Variants in QTMAN observed in about 807,000 individuals in gnomAD.
The protein encoded by QTMAN is queuosine-tRNA mannosyltransferase.
the QTMAN span, among the ~76,000 whole-genome samples, chr2:144,062,225 C>T: frequency 6.6e-6 from 1 of 152,204 alleles, no homozygotes; most frequent in African/African-American, 2.4e-5. Flanking sequence ...AAGCACTCAC[C>T]CCGCCTCCTG....
chr2:144,209,151 C>T, the QTMAN span, among the ~76,000 whole-genome samples: 4 of 152,310 alleles, frequency 2.6e-5, no homozygotes, highest in African/African-American at 9.6e-5. Context: ...GTAAGCCTAA[C>T]TCAGTAATCT....
chr2:144,124,596 A>G, the QTMAN span, among the ~76,000 whole-genome samples: 3 of 152,030 alleles, frequency 2.0e-5, no homozygotes, highest in Non-Finnish European at 4.4e-5. Flanking sequence ...CATCACTGGG[A>G]GCTATCCCTG....
chr2:144,082,890 GCACACA>G, the QTMAN span, among the ~76,000 whole-genome samples: 50 of 148,360 alleles, frequency 3.4e-4, no homozygotes, highest in Non-Finnish European at 1.5e-5. Context: ...AAATACACAC[GCACACA>G]CACACACACA....
At chr2:144,021,668 C>T in the QTMAN span, among the ~76,000 whole-genome samples, 2 of 151,998 alleles carry the variant, frequency 1.3e-5, no homozygotes, top group South Asian at 2.1e-4. Flanking sequence ...GATAGTGACA[C>T]AGAAACTAAG....
the QTMAN span, among the ~76,000 whole-genome samples, chr2:144,080,248 A>G: frequency 9.9e-5 from 15 of 152,160 alleles, no homozygotes; most frequent in Non-Finnish European, 1.6e-4. Context: ...AAATGTCTCT[A>G]TATTTTTAGA....
the QTMAN span, among the ~76,000 whole-genome samples, chr2:144,036,203 T>C: frequency 6.6e-6 from 1 of 152,234 alleles, no homozygotes; most frequent in Non-Finnish European, 1.5e-5. Flanking sequence ...TGTAATATTA[T>C]GTTTCCCTAT....
the QTMAN span, among the ~76,000 whole-genome samples, chr2:144,279,694 C>G: frequency 6.6e-6 from 1 of 152,158 alleles, no homozygotes; most frequent in Non-Finnish European, 1.5e-5. Flanking sequence ...GAACTTTGTC[C>G]ACCAAGTTCG....
At chr2:144,212,413 G>A in the QTMAN span, among the ~76,000 whole-genome samples, 1 of 152,114 alleles carries the variant, frequency 6.6e-6, no homozygotes, top group Non-Finnish European at 1.5e-5. Context: ...AGTGAGCCGA[G>A]ATGACACCAT....
At chr2:144,302,175 T>G in the QTMAN span, among the ~76,000 whole-genome samples, 2 of 152,032 alleles carry the variant, frequency 1.3e-5, no homozygotes, top group African/African-American at 4.8e-5. Context: ...ACCAAAGTCA[T>G]TGAGGGCTTA....
chr2:144,019,871 C>T, the QTMAN span, among the ~76,000 whole-genome samples: 1 of 152,180 alleles, frequency 6.6e-6, no homozygotes, highest in Admixed American at 6.5e-5. Flanking sequence ...TGGAAACTAA[C>T]TAAACTGACT....
chr2:144,016,583 A>G, the QTMAN span, among the ~76,000 whole-genome samples: 3 of 152,216 alleles, frequency 2.0e-5, no homozygotes, highest in African/African-American at 7.2e-5. Flanking sequence ...TAAAGCATTG[A>G]TGGAAACCCT....
At chr2:144,119,618 T>C in the QTMAN span, among the ~76,000 whole-genome samples, 1 of 152,230 alleles carries the variant, frequency 6.6e-6, no homozygotes, top group African/African-American at 2.4e-5. Context: ...AGCCTTGCCA[T>C]CTGACTGCCT....
the QTMAN span, among the ~76,000 whole-genome samples, chr2:144,205,534 C>G: frequency 3.9e-5 from 6 of 152,132 alleles, no homozygotes; most frequent in Admixed American, 3.9e-4. Context: ...GCTTCACTCC[C>G]AAGGGCTGGA....
the QTMAN span, among the ~76,000 whole-genome samples, chr2:144,076,480 T>C: frequency 3.9e-5 from 6 of 152,168 alleles, no homozygotes; most frequent in South Asian, 2.1e-4. Flanking sequence ...TAAGGACATA[T>C]GGAATGATAA....
chr2:144,255,404 G>A, the QTMAN span, among the ~76,000 whole-genome samples: 3,410 of 152,160 alleles, frequency 0.022, 55 homozygotes, highest in Middle Eastern at 0.041. Flanking sequence ...CTCTTTGGCC[G>A]TGATGTGAAG....
chr2:144,026,754 C>T, the QTMAN span, among the ~76,000 whole-genome samples: 1 of 152,080 alleles, frequency 6.6e-6, no homozygotes, highest in African/African-American at 2.4e-5. Context: ...ATTAAATAAG[C>T]TAATTTATGT....
the QTMAN span, among the ~76,000 whole-genome samples, chr2:144,142,236 G>T: frequency 5.3e-5 from 8 of 151,898 alleles, no homozygotes; most frequent in Non-Finnish European, 1.0e-4. Flanking sequence ...TTTCATTAGT[G>T]TTATATCACA....
chr2:144,260,559 T>C, the QTMAN span, among the ~76,000 whole-genome samples: 8 of 152,128 alleles, frequency 5.3e-5, no homozygotes, highest in African/African-American at 1.7e-4. Flanking sequence ...AAATCATACA[T>C]GCCCCCACAT....
the QTMAN span, among the ~76,000 whole-genome samples, chr2:144,332,974 T>G: frequency 6.6e-6 from 1 of 152,142 alleles, no homozygotes; most frequent in Non-Finnish European, 1.5e-5. Flanking sequence ...CCTTTCCTGG[T>G]CCACTCCCCG....
Sources: gnomAD v4.1 joint callset for allele counts (sites outside exome capture counted in the v4.1 genomes callset) on GRCh38, gnomAD v4.1.1 for gene constraint, MANE v1.5 for transcripts, NCBI Gene and HGNC (gene_info 2026-07-23, HGNC 2026-07-21) for gene names.